The following PLEKHA6 variants were observed in gnomAD, a reference collection of about 807,000 sequenced individuals.
The protein encoded by PLEKHA6 is pleckstrin homology domain-containing family A member 6.
In PLEKHA6, 60 loss-of-function variants were observed where a neutral mutation model predicts 116.7. The observed-to-expected ratio is 0.51, with a 90% confidence interval of 0.42 to 0.64. The LOEUF is 0.64. Among genes scored for constraint, PLEKHA6 ranks in the 30% least tolerant of loss-of-function variants. The probability of loss-of-function intolerance (pLI) is 0.00; values close to 1 mark genes in which losing one functional copy is unlikely to be tolerated. For synonymous variants in PLEKHA6, 489 were observed against 556.1 expected, an observed-to-expected ratio of 0.88 and a Z score of 1.70; for missense variants, 1,338 against 1,422.7, an observed-to-expected ratio of 0.94 and a Z score of 0.96.
intron 14 of PLEKHA6, 148 bp downstream of exon 14, chr1:204,245,465 TAG>T (rs1663514522): frequency 1.6e-6 from 1 of 610,892 alleles, no homozygotes; most frequent in Non-Finnish European, 2.9e-6. Flanking sequence ...CCTACCACCC[TAG>T]AACCCAGGGG....
At chr1:204,230,848 G>C (rs1473814223) in intron 17 of PLEKHA6, among the ~76,000 whole-genome samples, 1 of 152,216 alleles carries the variant, frequency 6.6e-6, no homozygotes, top group Non-Finnish European at 1.5e-5. Context: ...ATGACATACA[G>C]AGTAGAGGTG....
chr1:204,310,415 C>T (rs1291079828), intron 1 of PLEKHA6, among the ~76,000 whole-genome samples: 2 of 152,178 alleles, frequency 1.3e-5, no homozygotes, highest in Non-Finnish European at 2.9e-5. Flanking sequence ...ATTTCAGTCT[C>T]TCATCCCAAC....
At chr1:204,357,179 A>G (rs1201658855) in intron 1 of PLEKHA6, among the ~76,000 whole-genome samples, 1 of 152,234 alleles carries the variant, frequency 6.6e-6, no homozygotes, top group African/African-American at 2.4e-5. Context: ...TTGATTCAAC[A>G]TAGAAGAATG....
intron 15 of PLEKHA6, among the ~76,000 whole-genome samples, chr1:204,242,413 T>C (rs550862848): frequency 2.1e-4 from 32 of 152,276 alleles, no homozygotes; most frequent in Admixed American, 1.1e-3. Context: ...GAGGTCCCCT[T>C]TCTTCACCTG....
chr1:204,238,425 G>A lies in PLEKHA6; in HGVS notation c.2409+2950C>T, dbSNP rs569689761. 1.3e-5 allele frequency among the ~76,000 whole-genome samples: 2 copies of A among 152,272 alleles called. No homozygotes were observed. The highest frequency in any genetic ancestry group is 4.8e-5 in the African/African-American group (2 of 41,554). On this transcript the variant is annotated intron_variant, in intron 17 of 22. Transcript: ENST00000272203. This position sits in a 1 kb window ranked among gnomAD's most constrained non-coding sequence, Gnocchi z 4.2. Reference sequence around the variant, plus strand: ...GAGACACCTGTTGGTCTGTTACTGGGCTTTGGTGGAAACTGAACGTTTGAC... The same window carrying A: ...GAGACACCTGTTGGTCTGTTACTGGACTTTGGTGGAAACTGAACGTTTGAC...
At chr1:204,350,204 C>T (rs1233009760) in intron 1 of PLEKHA6, among the ~76,000 whole-genome samples, 2 of 152,176 alleles carry the variant, frequency 1.3e-5, no homozygotes, top group South Asian at 2.1e-4. Context: ...ACGTGTAGTC[C>T]CAGCTCCTTG....
intron 1 of PLEKHA6, among the ~76,000 whole-genome samples, chr1:204,335,698 C>T (rs901931259): frequency 6.6e-6 from 1 of 152,008 alleles, no homozygotes; most frequent in Non-Finnish European, 1.5e-5. Flanking sequence ...GACAAGGAGT[C>T]ATGTCATTCC....
At position 204,265,059 on chromosome 1, in the gene PLEKHA6, C is replaced by T; in HGVS notation, c.281-17G>A. 3 of 1,561,058 alleles carry T rather than the reference C, an allele frequency of 1.9e-6. No individual in the cohort carries two copies. Among genetic ancestry groups the T allele is most frequent in the South Asian group, 1.1e-5 (1 of 89,552 alleles). On this transcript the variant is annotated splice_polypyrimidine_tract_variant and intron_variant, in intron 5 of 22. Transcript: ENST00000272203. ...CCTTCTCATCTGTCAGGGAGAGAGG[C>T]ACAAGAAGGGTGTGTGTGTGTGTGT...
intron 2 of PLEKHA6, 24 bp from the exon 3 acceptor site, chr1:204,273,764 A>G: frequency 1.3e-6 from 2 of 1,515,050 alleles, no homozygotes; most frequent in Non-Finnish European, 1.8e-6. Context: ...GACCAGAGAA[A>G]AGAGATTGGT....
intron 17 of PLEKHA6, 118 bp from the exon 18 acceptor site, chr1:204,230,704 G>T: frequency 1.2e-6 from 1 of 829,008 alleles, no homozygotes; most frequent in Non-Finnish European, 1.8e-6. Context: ...ACTGAAGAGT[G>T]GTCCCCAAAA....
intron 3 of PLEKHA6, among the ~76,000 whole-genome samples, chr1:204,269,447 T>TA (rs33978260): frequency 0.18 from 25,722 of 140,436 alleles, 2,564 homozygotes; most frequent in East Asian, 0.29. Context: ...TGCTGGAGAA[T>TA]AAAAAAAAAA....
chr1:204,239,779 G>A (rs1376829045), intron 17 of PLEKHA6, among the ~76,000 whole-genome samples: 1 of 152,166 alleles, frequency 6.6e-6, no homozygotes, highest in East Asian at 1.9e-4. Flanking sequence ...GGCCATGTAT[G>A]TTCTGAATCA....
At chr1:204,272,488 A>G (rs912912267) in intron 3 of PLEKHA6, among the ~76,000 whole-genome samples, 1 of 152,184 alleles carries the variant, frequency 6.6e-6, no homozygotes, top group Non-Finnish European at 1.5e-5. Context: ...CATCACAGTC[A>G]AGTGTCTTTA....
chr1:204,293,066 G>C (rs1309253668), intron 1 of PLEKHA6, among the ~76,000 whole-genome samples: 1 of 152,084 alleles, frequency 6.6e-6, no homozygotes, highest in Non-Finnish European at 1.5e-5. Flanking sequence ...GGGAGAGGGA[G>C]CAAGCCCACA....
chr1:204,306,447 C>A (rs546772853), intron 1 of PLEKHA6, among the ~76,000 whole-genome samples: 38 of 152,298 alleles, frequency 2.5e-4, no homozygotes, highest in African/African-American at 8.9e-4. Flanking sequence ...TGCTTTCAGG[C>A]AAAATGCCAA....
At chr1:204,357,140 A>G (rs1387702381) in intron 1 of PLEKHA6, among the ~76,000 whole-genome samples, 1 of 152,266 alleles carries the variant, frequency 6.6e-6, no homozygotes, top group African/African-American at 2.4e-5. Context: ...AATCAGAACC[A>G]GAGGGTGGAA....
upstream of PLEKHA6, among the ~76,000 whole-genome samples, chr1:204,363,705 G>C (rs886745512): frequency 6.6e-6 from 1 of 152,160 alleles, no homozygotes; most frequent in African/African-American, 2.4e-5. Context: ...ACAGCTACCA[G>C]ACCCACTATG....
chr1:204,226,301 ACAGACC>A (rs2102390666), intron 21 of PLEKHA6, among the ~76,000 whole-genome samples: 1 of 152,304 alleles, frequency 6.6e-6, no homozygotes, highest in South Asian at 2.1e-4. Context: ...GTTTCAGCAC[ACAGACC>A]CTGACATGTA....
chr1:204,244,100 C>G (rs979617427), intron 15 of PLEKHA6, among the ~76,000 whole-genome samples: 6 of 151,982 alleles, frequency 3.9e-5, no homozygotes, highest in African/African-American at 1.4e-4. Flanking sequence ...GGATTACAGG[C>G]GTGAGCCACC....
Sources: allele counts gnomAD v4.1 joint callset (sites outside exome capture counted in the v4.1 genomes callset), GRCh38; gene constraint gnomAD v4.1.1; non-coding constraint Gnocchi (gnomAD v3.1); transcripts MANE v1.5; gene names NCBI Gene and HGNC (gene_info 2026-07-23, HGNC 2026-07-21).